The following ANKH variants were observed in gnomAD, a reference collection of about 807,000 sequenced individuals.
ANKH encodes mineralization regulator ANKH.
Under a neutral mutation model 49.0 loss-of-function variants are expected in ANKH, and 15 were observed. That is an observed-to-expected ratio of 0.31 (90% CI 0.20 to 0.47). The LOEUF (loss-of-function observed/expected upper bound fraction) is 0.47. Ranked by LOEUF, ANKH falls within the 20% of genes least tolerant of loss-of-function variation. The probability of loss-of-function intolerance (pLI) is 1.00; values close to 1 mark genes in which losing one functional copy is unlikely to be tolerated. For synonymous variants in ANKH, 273 were observed against 260.0 expected, an observed-to-expected ratio of 1.05 and a Z score of -0.48; for missense variants, 429 against 652.0, an observed-to-expected ratio of 0.66 and a Z score of 3.72.
chr5:14,731,843 T>C (rs1213747436), intron 8 of ANKH, among the ~76,000 whole-genome samples: 1 of 152,198 alleles, frequency 6.6e-6, no homozygotes, highest in Non-Finnish European at 1.5e-5. Flanking sequence ...CTCCACTGCC[T>C]AGGCGTTTGA....
intron 8 of ANKH, chr5:14,717,049 G>A (rs1309882261): frequency 5.3e-6 from 3 of 564,288 alleles, no homozygotes; most frequent in Non-Finnish European, 9.6e-6. Flanking sequence ...GTACCCAGGG[G>A]ACCCCCACGG....
intron 9 of ANKH, 114 bp downstream of exon 9, chr5:14,716,592 C>T (rs1416723826): frequency 2.1e-5 from 30 of 1,439,732 alleles, no homozygotes; most frequent in Non-Finnish European, 2.7e-5. Flanking sequence ...TCTTTCTAAG[C>T]CACAGTGAAA....
intron 7 of ANKH, among the ~76,000 whole-genome samples, chr5:14,743,373 A>C (rs1183732903): frequency 6.6e-6 from 1 of 152,246 alleles, no homozygotes; most frequent in African/African-American, 2.4e-5. Context: ...CAGCTCCTTC[A>C]GGGGCACTGT....
chr5:14,796,279 C>T (rs1044026661), intron 1 of ANKH, among the ~76,000 whole-genome samples: 1 of 149,118 alleles, frequency 6.7e-6, no homozygotes. Context: ...ATGGAGATGG[C>T]ATCAAACTAG....
intron 2 of ANKH, among the ~76,000 whole-genome samples, chr5:14,763,981 T>A (rs2126503882): frequency 6.6e-6 from 1 of 152,036 alleles, no homozygotes; most frequent in South Asian, 2.1e-4. Flanking sequence ...CCCAGCTACT[T>A]GGGAGGCTGA....
intron 8 of ANKH, among the ~76,000 whole-genome samples, chr5:14,719,529 A>G (rs1737596414): frequency 6.6e-6 from 1 of 152,226 alleles, no homozygotes; most frequent in Non-Finnish European, 1.5e-5. Flanking sequence ...GATGCTAACT[A>G]CCTAATGTGC....
At chr5:14,869,136 GT>G (rs1165986732) in intron 1 of ANKH, 2 of 152,348 alleles carry the variant, frequency 1.3e-5, no homozygotes, top group African/African-American at 4.8e-5. Context: ...TTGCAAACTG[GT>G]TCATTTCTCC....
intron 1 of ANKH, among the ~76,000 whole-genome samples, chr5:14,843,207 G>T (rs548283060): frequency 7.2e-6 from 1 of 139,534 alleles, no homozygotes; most frequent in Non-Finnish European, 1.5e-5. Flanking sequence ...GAAGAGACTC[G>T]TTCTGTTGCC....
rs371581688 is a variant in ANKH, at chr5:14,707,568, G to A, written c.*3629C>T. On this transcript the variant is annotated 3_prime_UTR_variant, in exon 12 of 12. Transcript: ENST00000284268. ...AGCACTCCTGAGCTGGCCCCGCTGC[G>A]ACGCATCCTGGCGTCTGGAGAACTC... 8.5e-5 allele frequency: 13 copies of A among 152,286 alleles called. No individual in the cohort carries two copies. In the East Asian group the frequency reaches 1.2e-3, roughly 14 times the overall value. The allele number at this position is 152,286 out of a possible 1,614,324, so 9.4% of individuals were successfully genotyped here. A position where few individuals can be genotyped will look rare whatever the true frequency, so the allele number is the denominator to read the frequency against.
chr5:14,816,996 A>ATC (rs1741058270), intron 1 of ANKH, among the ~76,000 whole-genome samples: 1 of 152,182 alleles, frequency 6.6e-6, no homozygotes, highest in Admixed American at 6.5e-5. Flanking sequence ...AAATAACATA[A>ATC]TCTGCTTCGA....
At chr5:14,849,566 G>A (rs1197868908) in intron 1 of ANKH, among the ~76,000 whole-genome samples, 1 of 152,168 alleles carries the variant, frequency 6.6e-6, no homozygotes, top group African/African-American at 2.4e-5. Context: ...GGGTCTCATT[G>A]TCATGATATA....
At chr5:14,841,385 C>G (rs1421448874) in intron 1 of ANKH, among the ~76,000 whole-genome samples, 1 of 152,006 alleles carries the variant, frequency 6.6e-6, no homozygotes, top group Non-Finnish European at 1.5e-5. Context: ...CAACCTCCGC[C>G]TCCCGGGTTC....
At position 14,777,876 on chromosome 5, in the gene ANKH, C is replaced by T. The variant is rs563305476; in HGVS notation, c.97-8685G>A. 2.0e-5 allele frequency among the ~76,000 whole-genome samples: 3 copies of T among 152,320 alleles called. No homozygotes were observed. In the East Asian group the frequency reaches 5.8e-4, roughly 29 times the overall value. ...GTTGGGCCCATGAGCCCACCCCGGC[C>T]ACAGTAACAGAGTGGTCCCCTAGTC... On this transcript the variant is annotated intron_variant, in intron 1 of 11. Transcript: ENST00000284268.
intron 1 of ANKH, among the ~76,000 whole-genome samples, chr5:14,864,645 G>A (rs1735591326): frequency 6.6e-6 from 1 of 152,162 alleles, no homozygotes; most frequent in African/African-American, 2.4e-5. Flanking sequence ...AAGGCAGTCA[G>A]AGAAAACACA....
chr5:14,870,767 A>C (rs1256713366), intron 1 of ANKH: 1 of 159,480 alleles, frequency 6.3e-6, no homozygotes, highest in African/African-American at 2.4e-5. Context: ...TGAAAAAAAA[A>C]AAAGAAAGAA....
At chr5:14,742,254 C>T (rs1738385389) in intron 7 of ANKH, among the ~76,000 whole-genome samples, 1 of 152,220 alleles carries the variant, frequency 6.6e-6, no homozygotes, top group Admixed American at 6.5e-5. Context: ...CGCTCCTGGT[C>T]CCAGCAGACC....
chr5:14,840,425 G>C (rs1363870623), intron 1 of ANKH, among the ~76,000 whole-genome samples: 3 of 152,204 alleles, frequency 2.0e-5, no homozygotes, highest in Non-Finnish European at 4.4e-5. Flanking sequence ...GAAGGTGACT[G>C]TTGAACATGG....
intron 1 of ANKH, among the ~76,000 whole-genome samples, chr5:14,859,308 A>G (rs1735407552): frequency 6.6e-6 from 1 of 152,226 alleles, no homozygotes; most frequent in Non-Finnish European, 1.5e-5. Context: ...ACTTAGCATA[A>G]TGTCTTCAAG....
chr5:14,818,700 C>T (rs1741115161), intron 1 of ANKH, among the ~76,000 whole-genome samples: 1 of 150,780 alleles, frequency 6.6e-6, no homozygotes, highest in Non-Finnish European at 1.5e-5. Flanking sequence ...AATTAGACCC[C>T]TGTGTGCACA....
Sources: gnomAD v4.1 joint callset for allele counts (sites outside exome capture counted in the v4.1 genomes callset) on GRCh38, gnomAD v4.1.1 for gene constraint, MANE v1.5 for transcripts, NCBI Gene and HGNC (gene_info 2026-07-23, HGNC 2026-07-21) for gene names.